SLC16A9: variants seen among roughly 807,000 people sequenced by gnomAD.
SLC16A9 encodes the protein solute carrier family 16 member 9.
SLC16A9 carries 26 observed loss-of-function variants against 44.3 expected under a neutral mutation model. That is an observed-to-expected ratio of 0.59 (90% CI 0.43 to 0.81). The LOEUF is 0.81. Ranked by LOEUF, SLC16A9 falls within the 40% of genes least tolerant of loss-of-function variation. SLC16A9 has a pLI of 0.00. For synonymous variants in SLC16A9, 230 were observed against 225.1 expected, an observed-to-expected ratio of 1.02 and a Z score of -0.19; for missense variants, 559 against 595.8, an observed-to-expected ratio of 0.94 and a Z score of 0.64.
chr10:59,663,822 G>GA (rs1229761702), intron 4 of SLC16A9, among the ~76,000 whole-genome samples: 2 of 151,904 alleles, frequency 1.3e-5, no homozygotes, highest in African/African-American at 2.4e-5. Context: ...ACAATGGCAG[G>GA]AAAAAATAGC....
rs1437503803 is a variant in SLC16A9 at position 59,651,221 on chromosome 10, T to G, written c.*1551A>C. 1 of 152,158 alleles carries G rather than the reference T, an allele frequency of 6.6e-6. No homozygotes were observed. Among genetic ancestry groups the G allele is most frequent in the East Asian group, 1.9e-4 (1 of 5,202 alleles). 9.4% of individuals were successfully genotyped at this position (152,158 alleles called of 1,614,324 possible). On this transcript the variant is annotated 3_prime_UTR_variant, in exon 6 of 6. Coordinates refer to ENST00000395348, the MANE Select transcript of SLC16A9 (RefSeq NM_194298.3). ...CACAGAGGTATTGTGAGGATTTGTG[T>G]TTATAAAGTGCTTCAGGCGCCTTCG...
intron 4 of SLC16A9, among the ~76,000 whole-genome samples, chr10:59,655,162 C>T (rs543398776): frequency 1.1e-3 from 160 of 152,118 alleles, no homozygotes; most frequent in Non-Finnish European, 6.2e-4. Context: ...TGGTGACACA[C>T]GCCTGTAGTC....
chr10:59,706,068 C>T (rs1423326828), intron 1 of SLC16A9, among the ~76,000 whole-genome samples: 2 of 152,134 alleles, frequency 1.3e-5, no homozygotes, highest in Non-Finnish European at 2.9e-5. Flanking sequence ...AATCCTCTTC[C>T]TAAATTGCTA....
chr10:59,653,442 A>AAAAAAAAAAAAAAAAAAAAAAC (rs1291164502), intron 5 of SLC16A9, among the ~76,000 whole-genome samples: 2 of 149,396 alleles, frequency 1.3e-5, no homozygotes, highest in Non-Finnish European at 3.0e-5. Flanking sequence ...AAAAAAAAAA[A>AAAAAAAAAAAAAAAAAAAAAAC]AAAGCAGGCA....
intron 3 of SLC16A9, among the ~76,000 whole-genome samples, chr10:59,672,331 G>A (rs1354480341): frequency 6.6e-6 from 1 of 152,108 alleles, no homozygotes; most frequent in Non-Finnish European, 1.5e-5. Flanking sequence ...CTTTTCACTT[G>A]GGTTCACAGC....
chr10:59,672,721 A>G (rs1458831915), intron 3 of SLC16A9, 49 bp downstream of exon 3: 2 of 1,545,810 alleles, frequency 1.3e-6, no homozygotes, highest in African/African-American at 2.8e-5. Flanking sequence ...TGGTGAAATG[A>G]TGTGTATCTC....
At chr10:59,662,312 GTGGTGAAGGAT>G in intron 4 of SLC16A9, among the ~76,000 whole-genome samples, 1 of 151,056 alleles carries the variant, frequency 6.6e-6, no homozygotes, top group African/African-American at 2.4e-5. Context: ...CCATCAAAAA[GTGGTGAAGGAT>G]ATGAACAGAC....
chr10:59,657,245 C>G (rs1489495020), intron 4 of SLC16A9, among the ~76,000 whole-genome samples: 2 of 152,056 alleles, frequency 1.3e-5, no homozygotes, highest in East Asian at 1.9e-4. Context: ...CCAATTGTAG[C>G]TTGTTAATCA....
intron 1 of SLC16A9, among the ~76,000 whole-genome samples, chr10:59,686,858 G>C (rs1217355692): frequency 6.6e-6 from 1 of 152,136 alleles, no homozygotes; most frequent in East Asian, 1.9e-4. Context: ...TCTTAATTCA[G>C]GACATCCTCC....
chr10:59,676,922 CAAAA>C (rs35816952), intron 2 of SLC16A9, among the ~76,000 whole-genome samples: 7 of 104,842 alleles, frequency 6.7e-5, no homozygotes, highest in Non-Finnish European at 3.9e-5. Flanking sequence ...ACTCTTGTCT[CAAAA>C]AAAAAAAAAA....
chr10:59,660,536 A>G (rs1839449379), intron 4 of SLC16A9, among the ~76,000 whole-genome samples: 2 of 152,208 alleles, frequency 1.3e-5, no homozygotes, highest in African/African-American at 4.8e-5. Context: ...AAAAATGCCC[A>G]TGACCAGGCG....
intron 4 of SLC16A9, among the ~76,000 whole-genome samples, chr10:59,661,475 C>T (rs1839473467): frequency 6.6e-6 from 1 of 152,136 alleles, no homozygotes; most frequent in Admixed American, 6.6e-5. Flanking sequence ...GAACTACAAA[C>T]CACTGCTCAA....
chr10:59,696,416 C>T (rs1396345067), intron 1 of SLC16A9, among the ~76,000 whole-genome samples: 1 of 152,212 alleles, frequency 6.6e-6, no homozygotes, highest in South Asian at 2.1e-4. Context: ...CTCAATGGTG[C>T]CCAGGCTGGA....
At chr10:59,661,268 C>T (rs773481373) in intron 4 of SLC16A9, among the ~76,000 whole-genome samples, 4 of 152,114 alleles carry the variant, frequency 2.6e-5, no homozygotes, top group Non-Finnish European at 4.4e-5. Flanking sequence ...TCATCTCAGC[C>T]CGAAATCTCC....
chr10:59,694,104 CT>C (rs560631122), intron 1 of SLC16A9, among the ~76,000 whole-genome samples: 2 of 151,410 alleles, frequency 1.3e-5, no homozygotes, highest in East Asian at 2.0e-4. Context: ...CGCCCGGTAA[CT>C]TTTTTTTGTA....
At chr10:59,685,492 A>G (rs1184327908) in intron 1 of SLC16A9, among the ~76,000 whole-genome samples, 1 of 152,230 alleles carries the variant, frequency 6.6e-6, no homozygotes, top group Non-Finnish European at 1.5e-5. Context: ...CACACAAAAA[A>G]ATAGCATATT....
intron 1 of SLC16A9, among the ~76,000 whole-genome samples, chr10:59,707,503 T>C (rs147004209): frequency 6.6e-6 from 1 of 151,182 alleles, no homozygotes; most frequent in African/African-American, 2.4e-5. Flanking sequence ...AGAGATCTAT[T>C]GTGCAACATA....
intron 5 of SLC16A9, among the ~76,000 whole-genome samples, chr10:59,653,255 T>TAAAAA (rs1386108829): frequency 0.01 from 1,526 of 147,026 alleles, 37 homozygotes; most frequent in African/African-American, 0.037. Flanking sequence ...CCGTCTCTAC[T>TAAAAA]AAACAACAAC....
Position 59,678,546 on chromosome 10 carries a change from C to CT in SLC16A9, c.196+5549dup, listed in dbSNP as rs751112027. Among the ~76,000 whole-genome samples the CT allele has an allele frequency of 1.3e-4, 4 of 30,594 alleles. 1 individual carries two copies. The highest frequency in any genetic ancestry group is 1.1e-3 in the Admixed American group (2 of 1,818). The allele number at this position is 30,594 out of a possible 152,430, so 20.1% of individuals were successfully genotyped here. A position where few individuals can be genotyped will look rare whatever the true frequency, so the allele number is the denominator to read the frequency against. ...ATCTTTTTTTTTTCTTTTTCTTTTT[C>CT]TTTTTTTTGAGACGGAGTCTCGCTC... On this transcript the variant is annotated intron_variant, in intron 2 of 5. Coordinates refer to ENST00000395348, the MANE Select transcript of SLC16A9 (RefSeq NM_194298.3).
Sources: gnomAD v4.1 joint callset for allele counts (sites outside exome capture counted in the v4.1 genomes callset) on GRCh38, gnomAD v4.1.1 for gene constraint, MANE v1.5 for transcripts, NCBI Gene and HGNC (gene_info 2026-07-23, HGNC 2026-07-21) for gene names.